SOS2: variants seen among roughly 807,000 people sequenced by gnomAD.
The protein encoded by SOS2 is SOS Ras/Rho guanine nucleotide exchange factor 2, also known as son of sevenless homolog 2.
In SOS2, 65 loss-of-function variants were observed where a neutral mutation model predicts 148.2. The observed-to-expected ratio is 0.44, with a 90% CI of 0.36 to 0.54. SOS2 has a LOEUF of 0.54. Among genes scored for constraint, SOS2 ranks in the 20% least tolerant of loss-of-function variants. The pLI, the probability that SOS2 is intolerant of heterozygous loss-of-function variation, is 0.00. For missense variants in SOS2, 1,341 were observed against 1,590.2 expected (o/e 0.84, Z 2.67); for synonymous variants, 539 against 537.1 (o/e 1.00, Z -0.05).
At chr14:50,132,812 C>G (rs1317400838) in intron 19 of SOS2, among the ~76,000 whole-genome samples, 1 of 152,024 alleles carries the variant, frequency 6.6e-6, no homozygotes. Flanking sequence ...AAAGCTTTTG[C>G]AGAAAAACAA....
chr14:50,172,627 C>T (rs1423925807), intron 8 of SOS2, among the ~76,000 whole-genome samples: 1 of 151,914 alleles, frequency 6.6e-6, no homozygotes, highest in Non-Finnish European at 1.5e-5. Flanking sequence ...CCTTGGACTC[C>T]TAAAGTGCTG....
intron 1 of SOS2, chr14:50,215,501 A>G (rs1887018239): frequency 1.6e-6 from 2 of 1,233,916 alleles, no homozygotes; most frequent in Non-Finnish European, 2.1e-6. Context: ...TTGAAAGCCT[A>G]GTCAGAAAAA....
chr14:50,185,171 G>T (rs1478314916), intron 5 of SOS2, among the ~76,000 whole-genome samples: 3 of 152,154 alleles, frequency 2.0e-5, no homozygotes, highest in African/African-American at 7.2e-5. Flanking sequence ...GATCAGTTCG[G>T]AGCACAGTTC....
At chr14:50,219,230 T>G (rs1887129381) in intron 1 of SOS2, among the ~76,000 whole-genome samples, 1 of 152,106 alleles carries the variant, frequency 6.6e-6, no homozygotes, top group African/African-American at 2.4e-5. Flanking sequence ...TGTACACAAA[T>G]ATACATAGCA....
At chr14:50,120,864 T>TG (rs1883481643) in intron 21 of SOS2, among the ~76,000 whole-genome samples, 1 of 148,826 alleles carries the variant, frequency 6.7e-6, no homozygotes, top group African/African-American at 2.5e-5. Flanking sequence ...CTCAGCCTCC[T>TG]GAGTAGCTGG....
At chr14:50,151,461 CATG>C (rs1884660608) in intron 13 of SOS2, among the ~76,000 whole-genome samples, 2 of 152,284 alleles carry the variant, frequency 1.3e-5, no homozygotes, top group South Asian at 4.1e-4. Context: ...CCCATCCAGT[CATG>C]ATAATTCCCT....
At chr14:50,182,003 A>AC (rs1885757595) in intron 6 of SOS2, among the ~76,000 whole-genome samples, 1 of 151,726 alleles carries the variant, frequency 6.6e-6, no homozygotes, top group Admixed American at 6.6e-5. Context: ...AAAAAAAAAA[A>AC]AAAAACCTAA....
chr14:50,121,863 G>A lies in SOS2; in HGVS notation c.3380-1479C>T, dbSNP rs548444317. On this transcript the variant is annotated intron_variant, in intron 21 of 22. Coordinates refer to ENST00000216373, the MANE Select transcript of SOS2 (RefSeq NM_006939.4). Reference sequence around the variant, plus strand: ...CAGACCTGCCAGCATTGTTTGTCCCGTCTTTGGGAGAACTCCTTTCGGTGG... The same window carrying A: ...CAGACCTGCCAGCATTGTTTGTCCCATCTTTGGGAGAACTCCTTTCGGTGG... Among the ~76,000 whole-genome samples the A allele has an allele frequency of 7.0e-4, 107 of 152,292 alleles. 1 individual carries two copies. The highest frequency in any genetic ancestry group is 1.2e-3 in the Non-Finnish European group (84 of 68,032).
At chr14:50,215,082 C>T (rs574585072) in intron 1 of SOS2, among the ~76,000 whole-genome samples, 2 of 151,728 alleles carry the variant, frequency 1.3e-5, no homozygotes, top group African/African-American at 2.4e-5. Flanking sequence ...GTGATCTGCC[C>T]GCCTCGTCCT....
At position 50,182,123 on chromosome 14, in the gene SOS2, TTTG is replaced by T. The variant is rs577665050; in HGVS notation, c.858+337_858+339del. Among the ~76,000 whole-genome samples, 566 of 152,212 alleles carry T rather than the reference TTTG, an allele frequency of 3.7e-3. 2 individuals carry two copies. Among genetic ancestry groups the T allele is most frequent in the Non-Finnish European group, 6.7e-3 (456 of 67,994 alleles). The stretch of plus-strand genomic sequence containing the variant: ...CACTATATAGGCAATGTGATTTTAG[TTTG>T]TTATCAGTTAAATCTTAAATATCTT... On this transcript the variant is annotated intron_variant, in intron 6 of 22. Coordinates refer to ENST00000216373, the MANE Select transcript of SOS2 (RefSeq NM_006939.4).
intron 1 of SOS2, among the ~76,000 whole-genome samples, chr14:50,219,555 G>C (rs1424717472): frequency 6.6e-6 from 1 of 152,178 alleles, no homozygotes; most frequent in African/African-American, 2.4e-5. Flanking sequence ...GAGAATTACA[G>C]TCAAGAGGAA....
At chr14:50,166,938 G>A (rs555624386) in intron 8 of SOS2, among the ~76,000 whole-genome samples, 13 of 152,026 alleles carry the variant, frequency 8.6e-5, no homozygotes, top group African/African-American at 2.4e-4. Context: ...CTGGGCACAC[G>A]GGCTCATGCC....
At chr14:50,151,100 C>T (rs1343750045) in intron 13 of SOS2, among the ~76,000 whole-genome samples, 1 of 152,222 alleles carries the variant, frequency 6.6e-6, no homozygotes, top group African/African-American at 2.4e-5. Context: ...CTCAAGTGAT[C>T]TGCCTGCCTT....
intron 21 of SOS2, among the ~76,000 whole-genome samples, chr14:50,122,587 C>T (rs1414787926): frequency 2.0e-5 from 3 of 151,902 alleles, no homozygotes; most frequent in Admixed American, 2.0e-4. Flanking sequence ...GACACGCACA[C>T]TCATGGAAGC....
At chr14:50,134,431 T>A (rs942068733) in intron 18 of SOS2, among the ~76,000 whole-genome samples, 192 bp from the exon 19 acceptor site, 2 of 152,340 alleles carry the variant, frequency 1.3e-5, no homozygotes, top group Admixed American at 1.3e-4. Context: ...CTGAATAAGA[T>A]TATATAATTT....
chr14:50,172,073 C>T, intron 8 of SOS2, among the ~76,000 whole-genome samples: 1 of 152,174 alleles, frequency 6.6e-6, no homozygotes, highest in Admixed American at 6.5e-5. Flanking sequence ...ATACAGTTTA[C>T]ATTCCTAACA....
chr14:50,143,900 C>T (rs1884378430), intron 16 of SOS2, among the ~76,000 whole-genome samples: 1 of 149,346 alleles, frequency 6.7e-6, no homozygotes, highest in South Asian at 2.1e-4. Flanking sequence ...CTCAAGTGAT[C>T]CTCCTGTCTC....
intron 19 of SOS2, 41 bp from the exon 20 acceptor site, chr14:50,130,803 G>C: frequency 6.4e-7 from 1 of 1,551,352 alleles, no homozygotes; most frequent in Non-Finnish European, 8.7e-7. Flanking sequence ...AATTTGCATA[G>C]ACAACAATTT....
intron 18 of SOS2, among the ~76,000 whole-genome samples, chr14:50,135,584 A>G (rs1189762733): frequency 6.8e-6 from 1 of 146,198 alleles, no homozygotes; most frequent in African/African-American, 2.5e-5. Context: ...AAAAACTGGG[A>G]TATCAATTTT....
Sources: allele counts gnomAD v4.1 joint callset (sites outside exome capture counted in the v4.1 genomes callset), GRCh38; gene constraint gnomAD v4.1.1; transcripts MANE v1.5; gene names NCBI Gene and HGNC (gene_info 2026-07-23, HGNC 2026-07-21).